Variants in PKHD1 observed in about 807,000 individuals in gnomAD.
The protein encoded by PKHD1 is PKHD1 ciliary IPT domain containing fibrocystin/polyductin, also known as fibrocystin.
In PKHD1, 291 loss-of-function variants were observed where a neutral mutation model predicts 412.0. That is an observed-to-expected ratio of 0.71 (90% confidence interval 0.64 to 0.78). The LOEUF is 0.78. PKHD1 is among the 30% of genes least tolerant of loss of function. The pLI, the probability that PKHD1 is intolerant of heterozygous loss-of-function variation, is 0.00. For missense variants in PKHD1, 4,825 were observed against 4,950.7 expected, an observed-to-expected ratio of 0.97 and a Z score of 0.76; for synonymous variants, 1,777 against 1,821.5, an observed-to-expected ratio of 0.98 and a Z score of 0.62.
At chr6:51,844,806 A>T (rs1225293451) in intron 50 of PKHD1, among the ~76,000 whole-genome samples, 1 of 152,174 alleles carries the variant, frequency 6.6e-6, no homozygotes, top group African/African-American at 2.4e-5. Context: ...AATGCCAGCC[A>T]AGAAAAGGAG....
At chr6:51,706,860 C>T (rs1780076494) in intron 60 of PKHD1, among the ~76,000 whole-genome samples, 1 of 152,154 alleles carries the variant, frequency 6.6e-6, no homozygotes, top group South Asian at 2.1e-4. Flanking sequence ...CTCTGATGAT[C>T]TGAGATGTGG....
chr6:51,981,598 C>T lies in PKHD1; in HGVS notation c.5752-21572G>A, dbSNP rs866918192. On this transcript the variant is annotated intron_variant, in intron 35 of 66. Coordinates refer to ENST00000371117, the MANE Select transcript of PKHD1 (RefSeq NM_138694.4). ...CCTCCCGGGGTGCCGGGATTGCGGA[C>T]GGAGTCTCGTTCACTCAGTGCTCAG... Among the ~76,000 whole-genome samples the T allele has an allele frequency of 2.2e-3, 262 of 121,576 alleles. 1 individual carries two copies. Among genetic ancestry groups the T allele is most frequent in the African/African-American group, 6.2e-3 (250 of 40,116 alleles). The allele number at this position is 121,576 out of a possible 152,430, so 79.8% of individuals were successfully genotyped here.
At chr6:51,990,016 T>A (rs888243172) in intron 35 of PKHD1, among the ~76,000 whole-genome samples, 1 of 103,460 alleles carries the variant, frequency 9.7e-6, no homozygotes, top group South Asian at 3.3e-4. Context: ...ATTCCACCCA[T>A]GCACCTAGCA....
chr6:51,687,157 T>C (rs962829227), intron 60 of PKHD1, among the ~76,000 whole-genome samples: 1 of 152,050 alleles, frequency 6.6e-6, no homozygotes, highest in Non-Finnish European at 1.5e-5. Flanking sequence ...CAGAGAGGAA[T>C]GAATTAAACA....
At chr6:52,012,397 G>A (rs1484811933) in intron 34 of PKHD1, among the ~76,000 whole-genome samples, 3 of 152,148 alleles carry the variant, frequency 2.0e-5, no homozygotes, top group Non-Finnish European at 4.4e-5. Flanking sequence ...ATCTCTCACT[G>A]GTTTAGACCT....
At chr6:51,931,498 ATCTG>A (rs1252120539) in intron 37 of PKHD1, among the ~76,000 whole-genome samples, 1 of 152,204 alleles carries the variant, frequency 6.6e-6, no homozygotes, top group African/African-American at 2.4e-5. Context: ...TGGAGGGGAA[ATCTG>A]TCTGAGACCT....
At chr6:52,010,190 G>A in intron 35 of PKHD1, 119 bp downstream of exon 35, 1 of 829,324 alleles carries the variant, frequency 1.2e-6, no homozygotes, top group Non-Finnish European at 2.0e-6. Context: ...CTCAAAGTTT[G>A]AGCACATTTA....
chr6:51,934,245 G>C lies in PKHD1; in HGVS notation c.5986C>G (p.Leu1996Val), dbSNP rs1241270364. 1.2e-6 allele frequency: 2 copies of C among 1,613,828 alleles called. No homozygotes were observed. Among genetic ancestry groups the C allele is most frequent in the South Asian group, 1.1e-5 (1 of 91,072 alleles). Residue 1996 changes from leucine to valine, a missense_variant, in exon 37 of 67, where the codon CTC (leucine) becomes GTC (valine). By Grantham distance (32) the Leu-to-Val change is conservative. Transcript: ENST00000371117. ...GGCTTGTCTTCGGATCCAATCCGGA[G>C]CTCTCCACCATCAGAAACAAGGATG... ...HAILVSDGGE[L>V]RIGSEDKPFQ... is the part of the protein sequence containing the mutation.
chr6:51,912,172 G>T (rs557027649), intron 38 of PKHD1, among the ~76,000 whole-genome samples, 194 bp downstream of exon 38: 1 of 152,206 alleles, frequency 6.6e-6, no homozygotes, highest in African/African-American at 2.4e-5. Flanking sequence ...AAGTTCTAGA[G>T]ACAAGACAAA....
chr6:52,077,037 T>C (rs1392508740), intron 5 of PKHD1, among the ~76,000 whole-genome samples: 1 of 152,096 alleles, frequency 6.6e-6, no homozygotes, highest in African/African-American at 2.4e-5. Context: ...ATGCCCCCTG[T>C]CCCCAAAGCA....
Position 52,046,100 on chromosome 6 carries a change from A to G in PKHD1, c.2496T>C (p.Ser832=). The G allele has an allele frequency of 6.2e-7, 1 of 1,613,374 alleles. No individual in the cohort carries two copies. Among genetic ancestry groups the G allele is most frequent in the South Asian group, 1.1e-5 (1 of 91,074 alleles). Residue 832 remains serine (S), a synonymous_variant, in exon 24 of 67, where the codon AGT becomes AGC. Transcript: ENST00000371117. The part of the protein sequence containing the change: ...DDFTSRYLNA[S]DFTVKEDLYT... ...ATAGATCCTCCTTCACAGTGAAGTCACTGGCATTGAGGTACCTGGATGTGA... is the reference window on the plus strand; with the variant it reads ...ATAGATCCTCCTTCACAGTGAAGTCGCTGGCATTGAGGTACCTGGATGTGA...
intron 36 of PKHD1, among the ~76,000 whole-genome samples, chr6:51,952,596 A>C (rs949468317): frequency 3.9e-5 from 6 of 152,172 alleles, no homozygotes; most frequent in Non-Finnish European, 8.8e-5. Context: ...TAATATAAAA[A>C]TAATTCAAGT....
At chr6:51,857,867 G>T (rs558174071) in intron 48 of PKHD1, among the ~76,000 whole-genome samples, 1 of 152,234 alleles carries the variant, frequency 6.6e-6, no homozygotes, top group South Asian at 2.1e-4. Context: ...GAAATGAAAG[G>T]GATGAAAAAT....
chr6:51,653,937 C>A (rs150740809), intron 61 of PKHD1, among the ~76,000 whole-genome samples: 1 of 152,026 alleles, frequency 6.6e-6, no homozygotes, highest in Non-Finnish European at 1.5e-5. Flanking sequence ...AAAGACCATA[C>A]GCAAAATAAT....
intron 43 of PKHD1, among the ~76,000 whole-genome samples, chr6:51,901,594 G>A (rs542475877): frequency 4.0e-5 from 6 of 150,524 alleles, no homozygotes; most frequent in South Asian, 2.1e-4. Flanking sequence ...TGGGTACAGC[G>A]CACCAGCATG....
intron 60 of PKHD1, among the ~76,000 whole-genome samples, chr6:51,670,921 G>T (rs886347973): frequency 3.9e-5 from 6 of 152,062 alleles, no homozygotes; most frequent in South Asian, 2.1e-4. Context: ...AGATCTGCTG[G>T]TAGTCTGATG....
intron 60 of PKHD1, among the ~76,000 whole-genome samples, chr6:51,723,816 T>C (rs1782225601): frequency 6.6e-6 from 1 of 152,126 alleles, no homozygotes; most frequent in Non-Finnish European, 1.5e-5. Context: ...AGAGTTTGGG[T>C]ACATAGAATG....
At chr6:51,701,459 G>C (rs1562128081) in intron 60 of PKHD1, among the ~76,000 whole-genome samples, 1 of 152,026 alleles carries the variant, frequency 6.6e-6, no homozygotes, top group Non-Finnish European at 1.5e-5. Flanking sequence ...TCATAGTAGA[G>C]CCAAGTCATT....
chr6:51,954,294 T>C (rs1475389195), intron 36 of PKHD1, among the ~76,000 whole-genome samples: 2 of 152,082 alleles, frequency 1.3e-5, no homozygotes, highest in Non-Finnish European at 2.9e-5. Flanking sequence ...TCATTGTTAC[T>C]ATTATTGTCA....
Sources: gnomAD v4.1 joint callset for allele counts (sites outside exome capture counted in the v4.1 genomes callset) on GRCh38, gnomAD v4.1.1 for gene constraint, MANE v1.5 for transcripts, NCBI Gene and HGNC (gene_info 2026-07-23, HGNC 2026-07-21) for gene names.